UNC93A: variants seen among roughly 807,000 people sequenced by gnomAD.
The protein encoded by UNC93A is unc-93 homolog A.
UNC93A carries 43 observed loss-of-function variants against 47.5 expected under a neutral mutation model. The observed-to-expected ratio is 0.91, with a 90% CI of 0.71 to 1.17. The LOEUF (loss-of-function observed/expected upper bound fraction) is 1.17. UNC93A is among the 50% of genes most tolerant of loss of function. The probability of loss-of-function intolerance (pLI) is 0.00; values close to 1 mark genes in which losing one functional copy is unlikely to be tolerated. For missense variants in UNC93A, 605 were observed against 577.6 expected (o/e 1.05, Z -0.49); for synonymous variants, 280 against 258.0 (o/e 1.09, Z -0.82).
chr6:167,289,699 G>A (rs1358555330), upstream of UNC93A, among the ~76,000 whole-genome samples: 2 of 151,712 alleles, frequency 1.3e-5, no homozygotes, highest in African/African-American at 4.9e-5. Flanking sequence ...AACCAAGGGA[G>A]AAAGACCAGC....
Position 167,294,537 on chromosome 6 carries a change from G to A in UNC93A, c.108G>A (p.Glu36=), listed in dbSNP as rs770756922. The change falls in exon 2 of 8, where the codon GAG becomes GAA. Residue 36 remains glutamate (E), a synonymous_variant. Transcript: ENST00000230256. ...QSLQSSLYSE[E]GLGVTALSTL... ...CACAGAGCAGCCTGTACAGCGAGGA[G>A]GGCCTGGGTGTCACAGCGCTCAGCA... 2 of 1,614,098 alleles carry A rather than the reference G, an allele frequency of 1.2e-6. No individual in the cohort carries two copies. Among genetic ancestry groups the A allele is most frequent in the South Asian group, 2.2e-5 (2 of 91,088 alleles).
At chr6:167,280,540 A>G (rs953479271) in intron 1 of UNC93A, among the ~76,000 whole-genome samples, 16 of 152,220 alleles carry the variant, frequency 1.1e-4, no homozygotes, top group African/African-American at 3.1e-4. Context: ...TGCTGTTTCC[A>G]TGGATAATTT....
At chr6:167,282,777 A>G (rs1232364375) in intron 1 of UNC93A, among the ~76,000 whole-genome samples, 1 of 152,168 alleles carries the variant, frequency 6.6e-6, no homozygotes, top group Non-Finnish European at 1.5e-5. Flanking sequence ...GCTTGGTTTC[A>G]TATGTTCTAG....
intron 7 of UNC93A, among the ~76,000 whole-genome samples, chr6:167,308,765 G>A (rs1366833944): frequency 6.6e-6 from 1 of 152,130 alleles, no homozygotes; most frequent in African/African-American, 2.4e-5. Flanking sequence ...ACACCCAGGA[G>A]TGACTGGGAG....
In UNC93A at chr6:167,294,644, T is replaced by C. The variant is rs200677090; in HGVS notation, c.215T>C (p.Ile72Thr). Residue 72 changes from isoleucine (I) to threonine (T), a missense_variant, in exon 2 of 8, where the codon ATC (isoleucine) becomes ACC (threonine). Ile to Thr is a moderately conservative substitution (Grantham distance 89). Coordinates refer to ENST00000230256, the MANE Select transcript of UNC93A (RefSeq NM_018974.4). Reference sequence around the variant, plus strand: ...AGGCTGGGCTGCAAGGGGACCATCATCCTCTCCATGTGTGGCTACGTGGCC... The same window carrying C: ...AGGCTGGGCTGCAAGGGGACCATCACCCTCTCCATGTGTGGCTACGTGGCC... ...IERLGCKGTI[I>T]LSMCGYVAFS... 50 of 1,613,102 alleles carry C rather than the reference T, an allele frequency of 3.1e-5. No individual in the cohort carries two copies. In the Middle Eastern group the frequency reaches 8.3e-4, roughly 27 times the overall value.
At chr6:167,276,839 AC>A (rs1458663220) in intron 1 of UNC93A, among the ~76,000 whole-genome samples, 2 of 152,218 alleles carry the variant, frequency 1.3e-5, no homozygotes, top group Admixed American at 6.5e-5. Flanking sequence ...CTGTCATCAC[AC>A]CTGGTTTCTG....
upstream of UNC93A, among the ~76,000 whole-genome samples, chr6:167,289,823 A>AT (rs1261887479): frequency 6.6e-6 from 1 of 151,984 alleles, no homozygotes; most frequent in Non-Finnish European, 1.5e-5. Context: ...AAAAATAAAA[A>AT]TAAGGTCCAA....
rs566932927 is a variant in UNC93A, at chr6:167,301,494, G to A, written c.626-2425G>A. 1.6e-4 allele frequency among the ~76,000 whole-genome samples: 24 copies of A among 152,290 alleles called. No homozygotes were observed. In the South Asian group the frequency reaches 3.9e-3, roughly 25 times the overall value. On this transcript the variant is annotated intron_variant, in intron 4 of 7. Coordinates refer to ENST00000230256, the MANE Select transcript of UNC93A (RefSeq NM_018974.4). The stretch of plus-strand genomic sequence containing the variant: ...CACCCTCTCCCTGGGTAACTTTCCT[G>A]GGTTTCTGAGCATTGCATTCATAGT...
rs368803901 is a variant in UNC93A, at chr6:167,293,949, T to G, written c.88-568T>G. Among the ~76,000 whole-genome samples, 101 of 152,258 alleles carry G rather than the reference T, an allele frequency of 6.6e-4. 1 individual carries two copies. In the East Asian group the frequency reaches 0.015, roughly 22 times the overall value. ...TGCCTGCCCGGGTTGTCTCCACCAG[T>G]GGTGGCGGCCTGCAGTTTCCAGGAT... On this transcript the variant is annotated intron_variant, in intron 1 of 7. Transcript: ENST00000230256.
At chr6:167,306,122 C>A in intron 6 of UNC93A, 72 bp downstream of exon 6, 1 of 1,595,808 alleles carries the variant, frequency 6.3e-7, no homozygotes, top group South Asian at 1.1e-5. Context: ...AGCTCACAGT[C>A]AGGACAGGCT....
chr6:167,286,608 A>T (rs1783738043), upstream of UNC93A, among the ~76,000 whole-genome samples: 1 of 152,150 alleles, frequency 6.6e-6, no homozygotes, highest in Admixed American at 6.5e-5. Flanking sequence ...ATCTTTGGAG[A>T]TTTTTGGGCG....
intron 1 of UNC93A, among the ~76,000 whole-genome samples, chr6:167,293,548 A>G (rs766626911): frequency 6.6e-6 from 1 of 152,138 alleles, no homozygotes; most frequent in African/African-American, 2.4e-5. Flanking sequence ...TTGCCCCAGC[A>G]TGCTGAGGAG....
intron 7 of UNC93A, among the ~76,000 whole-genome samples, chr6:167,308,751 G>A (rs888635329): frequency 2.6e-5 from 4 of 152,054 alleles, no homozygotes; most frequent in Middle Eastern, 3.2e-3. Context: ...AGCAGAAAGC[G>A]CTGACACCCA....
chr6:167,292,813 G>A (rs1443466009), intron 1 of UNC93A, among the ~76,000 whole-genome samples: 1 of 152,164 alleles, frequency 6.6e-6, no homozygotes, highest in Non-Finnish European at 1.5e-5. Context: ...ATGTGGACTG[G>A]TCAGTAGCCC....
chr6:167,286,080 T>C (rs1232495750), intron 1 of UNC93A, among the ~76,000 whole-genome samples: 1 of 146,188 alleles, frequency 6.8e-6, no homozygotes, highest in South Asian at 2.1e-4. Flanking sequence ...TGAATATATA[T>C]ACATATCTTA....
chr6:167,284,547 C>A (rs1320642811), intron 1 of UNC93A, among the ~76,000 whole-genome samples: 1 of 152,296 alleles, frequency 6.6e-6, no homozygotes, highest in Non-Finnish European at 1.5e-5. Flanking sequence ...AAGCCCTGTT[C>A]ATTAGGTTTA....
rs374466951 is a variant in UNC93A at position 167,306,028 on chromosome 6, C to G, written c.954C>G (p.Gly318=). The G allele has an allele frequency of 8.7e-6, 14 of 1,614,074 alleles. No individual in the cohort carries two copies. The highest frequency in any genetic ancestry group is 1.2e-5 in the Non-Finnish European group (14 of 1,180,050). ...ATGGAAAGGTCTCGCAGTACACGGG[C>G]AGGGCTGTGCTGTACGTGCTGGGTA... ...VLYGKVSQYT[G]RAVLYVLGAV... is the part of the protein sequence containing the mutation. Residue 318 remains glycine, a synonymous_variant, in exon 6 of 8, where the codon GGC becomes GGG. Coordinates refer to ENST00000230256, the MANE Select transcript of UNC93A (RefSeq NM_018974.4).
upstream of UNC93A, among the ~76,000 whole-genome samples, chr6:167,269,127 G>A (rs1471734837): frequency 6.6e-6 from 1 of 152,228 alleles, no homozygotes; most frequent in Non-Finnish European, 1.5e-5. Flanking sequence ...AGGCTGAGAG[G>A]TGAGCAGGCT....
intron 1 of UNC93A, among the ~76,000 whole-genome samples, chr6:167,279,246 T>G (rs933192967): frequency 6.6e-6 from 1 of 152,144 alleles, no homozygotes; most frequent in Non-Finnish European, 1.5e-5. Flanking sequence ...CGGAGATATA[T>G]ATAGAGAGAG....
Sources: allele counts gnomAD v4.1 joint callset (sites outside exome capture counted in the v4.1 genomes callset), GRCh38; gene constraint gnomAD v4.1.1; transcripts MANE v1.5; gene names NCBI Gene and HGNC (gene_info 2026-07-23, HGNC 2026-07-21).